CLSTN2: variants seen among roughly 807,000 people sequenced by gnomAD.
The protein encoded by CLSTN2 is calsyntenin-2.
Under a neutral mutation model 101.2 loss-of-function variants are expected in CLSTN2, and 48 were observed. The observed-to-expected ratio is 0.47, with a 90% confidence interval of 0.38 to 0.60. The LOEUF is 0.60. Among genes scored for constraint, CLSTN2 ranks in the 20% least tolerant of loss-of-function variants. The probability of loss-of-function intolerance (pLI) is 0.00; values close to 1 mark genes in which losing one functional copy is unlikely to be tolerated. For missense variants in CLSTN2, 1,160 were observed against 1,238.2 expected (o/e 0.94, Z 0.95); for synonymous variants, 481 against 463.6 (o/e 1.04, Z -0.48).
chr3:140,244,667 G>C (rs965718321), intron 2 of CLSTN2, among the ~76,000 whole-genome samples: 1 of 152,080 alleles, frequency 6.6e-6, no homozygotes, highest in Non-Finnish European at 1.5e-5. Context: ...CTCTCTCCAA[G>C]ACCAAGGCCT....
intron 2 of CLSTN2, among the ~76,000 whole-genome samples, chr3:140,267,524 GA>G (rs2086706391): frequency 6.6e-6 from 1 of 152,176 alleles, no homozygotes; most frequent in Admixed American, 6.5e-5. Context: ...CAAAGAGAGA[GA>G]TACAGGCAAT....
At chr3:140,051,395 C>T (rs2007988290) in intron 1 of CLSTN2, among the ~76,000 whole-genome samples, 1 of 152,176 alleles carries the variant, frequency 6.6e-6, no homozygotes, top group African/African-American at 2.4e-5. Flanking sequence ...GAAACCCTTC[C>T]TGCCTTCAGT....
chr3:140,050,011 A>G (rs2007960203), intron 1 of CLSTN2, among the ~76,000 whole-genome samples: 1 of 152,164 alleles, frequency 6.6e-6, no homozygotes, highest in Non-Finnish European at 1.5e-5. Flanking sequence ...TGGATTAGCT[A>G]CCAGGGTCTT....
intron 2 of CLSTN2, among the ~76,000 whole-genome samples, chr3:140,318,514 T>C (rs1399423614): frequency 6.6e-6 from 1 of 152,200 alleles, no homozygotes; most frequent in East Asian, 1.9e-4. Context: ...TGTCTATGTC[T>C]AGGAGATTAT....
intron 1 of CLSTN2, among the ~76,000 whole-genome samples, chr3:139,976,106 T>C (rs1935812653): frequency 6.6e-6 from 1 of 152,212 alleles, no homozygotes; most frequent in East Asian, 1.9e-4. Context: ...CATTTCAGAA[T>C]CTGTCCAACA....
chr3:140,131,050 TCCTTCAATGG>T (rs2107804104), intron 1 of CLSTN2, among the ~76,000 whole-genome samples: 1 of 152,240 alleles, frequency 6.6e-6, no homozygotes, highest in Admixed American at 6.5e-5. Flanking sequence ...TTGAAGATGA[TCCTTCAATGG>T]CCTTCAGAAA....
chr3:140,312,276 T>C (rs2087176579), intron 2 of CLSTN2, among the ~76,000 whole-genome samples: 1 of 152,230 alleles, frequency 6.6e-6, no homozygotes, highest in Non-Finnish European at 1.5e-5. Context: ...ACTTCTTCCC[T>C]TTTGGCATGT....
chr3:140,149,299 C>A (rs943399580), intron 1 of CLSTN2, among the ~76,000 whole-genome samples: 2 of 152,182 alleles, frequency 1.3e-5, no homozygotes, highest in Non-Finnish European at 2.9e-5. Context: ...AGCTTGGGTG[C>A]AGGTAAATGG....
At chr3:139,988,623 C>A (rs1031148213) in intron 1 of CLSTN2, among the ~76,000 whole-genome samples, 2 of 152,150 alleles carry the variant, frequency 1.3e-5, no homozygotes, top group Non-Finnish European at 2.9e-5. Context: ...TGAGGAGAAG[C>A]ACTTGCCATG....
chr3:140,379,312 T>C (rs1262762415), intron 2 of CLSTN2, among the ~76,000 whole-genome samples: 2 of 152,152 alleles, frequency 1.3e-5, no homozygotes, highest in Admixed American at 1.3e-4. Context: ...ATGAGAGGGA[T>C]GTACACCCAG....
At chr3:140,148,411 C>T (rs1249032850) in intron 1 of CLSTN2, among the ~76,000 whole-genome samples, 1 of 152,204 alleles carries the variant, frequency 6.6e-6, no homozygotes, top group East Asian at 1.9e-4. Flanking sequence ...GAAGTCATTA[C>T]TCACTGTGGT....
chr3:140,453,010 A>T (rs191851058), intron 6 of CLSTN2, among the ~76,000 whole-genome samples: 7 of 152,332 alleles, frequency 4.6e-5, no homozygotes, highest in African/African-American at 1.7e-4. Context: ...GTATGAGATG[A>T]GAGTGCAGCC....
chr3:140,270,696 C>T (rs527716312), intron 2 of CLSTN2, among the ~76,000 whole-genome samples: 27 of 152,194 alleles, frequency 1.8e-4, no homozygotes, highest in Non-Finnish European at 7.3e-5. Flanking sequence ...CAATTGGTAA[C>T]TGTGGTCCAG....
chr3:139,979,552 T>A (rs1043614027), intron 1 of CLSTN2, among the ~76,000 whole-genome samples: 5 of 152,082 alleles, frequency 3.3e-5, no homozygotes, highest in South Asian at 2.1e-4. Flanking sequence ...AAAAATAATT[T>A]AAAAAATTAA....
At chr3:140,367,511 C>CAAAAA (rs34398474) in intron 2 of CLSTN2, among the ~76,000 whole-genome samples, 1 of 96,830 alleles carries the variant, frequency 1.0e-5, no homozygotes, top group East Asian at 4.0e-4. Context: ...CACTTTGTCT[C>CAAAAA]AAAAAAAAAA....
Position 140,127,265 on chromosome 3 carries a change from T to C in CLSTN2, c.110-48686T>C, listed in dbSNP as rs576436357. 2.0e-5 allele frequency among the ~76,000 whole-genome samples: 3 copies of C among 152,240 alleles called. No individual in the cohort carries two copies. In the East Asian group the frequency reaches 5.8e-4, roughly 29 times the overall value. On this transcript the variant is annotated intron_variant, in intron 1 of 16. Coordinates refer to ENST00000458420, the MANE Select transcript of CLSTN2 (RefSeq NM_022131.3). ...GGCATTTGACCCGGGGCAAATTGCT[T>C]AACCTCCCTGAACTTCTACTTTCTC...
At position 140,055,554 on chromosome 3, in the gene CLSTN2, G is replaced by C. The variant is rs75552646; in HGVS notation, c.109+120071G>C. ...AACCAAGGCGTAAACCTTGGTTTCT[G>C]TACATGCAACAAGGAAATAACAATG... On this transcript the variant is annotated intron_variant, in intron 1 of 16. Coordinates refer to ENST00000458420, the MANE Select transcript of CLSTN2 (RefSeq NM_022131.3). Among the ~76,000 whole-genome samples the C allele has an allele frequency of 3.5e-3, 535 of 152,302 alleles. 4 individuals carry two copies. Among genetic ancestry groups the C allele is most frequent in the African/African-American group, 0.012 (498 of 41,550 alleles).
intron 10 of CLSTN2, among the ~76,000 whole-genome samples, chr3:140,549,704 T>C (rs1935670095): frequency 6.7e-6 from 1 of 148,340 alleles, no homozygotes; most frequent in Admixed American, 6.7e-5. Flanking sequence ...AACAAATTTC[T>C]TTCCTTTCCT....
chr3:140,363,014 A>G (rs1388343454), intron 2 of CLSTN2, among the ~76,000 whole-genome samples: 2 of 152,318 alleles, frequency 1.3e-5, no homozygotes, highest in Admixed American at 6.5e-5. Context: ...ACATGTCTAC[A>G]TACAGACTTG....
Sources: gnomAD v4.1 joint callset for allele counts (sites outside exome capture counted in the v4.1 genomes callset) on GRCh38, gnomAD v4.1.1 for gene constraint, MANE v1.5 for transcripts, NCBI Gene and HGNC (gene_info 2026-07-23, HGNC 2026-07-21) for gene names.